Variants in LHFPL3 observed in about 807,000 individuals in gnomAD.
LHFPL3 encodes the protein LHFPL tetraspan subfamily member 3 protein.
LHFPL3 carries 5 observed loss-of-function variants against 19.3 expected under a neutral mutation model. The ratio of observed to expected loss-of-function variants is 0.26; its 90% CI spans 0.14 to 0.54. LHFPL3 has a LOEUF of 0.54. Among genes scored for constraint, LHFPL3 ranks in the 20% least tolerant of loss-of-function variants. The pLI is 0.94. For synonymous variants in LHFPL3, 133 were observed against 126.2 expected, an observed-to-expected ratio of 1.05 and a Z score of -0.36; for missense variants, 249 against 307.4, an observed-to-expected ratio of 0.81 and a Z score of 1.42.
At chr7:104,605,086 T>C (rs16869993) in intron 1 of LHFPL3, among the ~76,000 whole-genome samples, 20,668 of 152,248 alleles carry the variant, frequency 0.14, 1,467 homozygotes, top group Non-Finnish European at 0.15. Context: ...CCCAAGTATC[T>C]ATAGCTAAAT....
intron 2 of LHFPL3, among the ~76,000 whole-genome samples, chr7:104,838,071 C>T (rs1187959117): frequency 2.0e-5 from 3 of 152,152 alleles, no homozygotes; most frequent in African/African-American, 4.8e-5. Flanking sequence ...AGAGCTTAAC[C>T]TACATAAGGA....
chr7:104,576,869 T>TG (rs1417052430), intron 1 of LHFPL3, among the ~76,000 whole-genome samples: 2 of 152,182 alleles, frequency 1.3e-5, no homozygotes, highest in African/African-American at 4.8e-5. Flanking sequence ...CATTGCTTCC[T>TG]GGGGGTCTTT....
chr7:104,818,856 T>A (rs1396017636), intron 2 of LHFPL3, among the ~76,000 whole-genome samples: 3 of 152,168 alleles, frequency 2.0e-5, no homozygotes, highest in Non-Finnish European at 4.4e-5. Context: ...ACCTTTGAGA[T>A]TTAATCTTTA....
intron 2 of LHFPL3, among the ~76,000 whole-genome samples, chr7:104,879,061 T>C (rs149427477): frequency 3.9e-5 from 6 of 152,206 alleles, no homozygotes; most frequent in Non-Finnish European, 7.4e-5. Context: ...GAAGGAAAGT[T>C]TGAAGGAAGC....
chr7:104,476,943 T>C (rs1793033192), intron 1 of LHFPL3, among the ~76,000 whole-genome samples: 1 of 152,194 alleles, frequency 6.6e-6, no homozygotes, highest in South Asian at 2.1e-4. Context: ...TGATCTGTGT[T>C]GAACATCTCA....
At chr7:104,670,343 G>A (rs144881996) in intron 1 of LHFPL3, among the ~76,000 whole-genome samples, 6,088 of 152,218 alleles carry the variant, frequency 0.04, 147 homozygotes, top group African/African-American at 0.055. Flanking sequence ...TCCTGGAGCC[G>A]GAAGCACTTG....
intron 1 of LHFPL3, among the ~76,000 whole-genome samples, chr7:104,562,532 A>G (rs947875670): frequency 3.7e-4 from 57 of 152,124 alleles, no homozygotes; most frequent in African/African-American, 1.3e-3. Context: ...TTTCAGCTCC[A>G]TCAGCTCCTT....
intron 1 of LHFPL3, among the ~76,000 whole-genome samples, chr7:104,427,278 CT>C (rs1223257063): frequency 1.2e-4 from 19 of 152,258 alleles, no homozygotes; most frequent in African/African-American, 4.3e-4. Flanking sequence ...GTAAAGCTGG[CT>C]TTGTGGATTA....
rs1293057415 is a variant in LHFPL3, at chr7:104,736,924, T to C, written c.682+13T>C. 8.9e-6 allele frequency: 14 copies of C among 1,569,470 alleles called. No individual in the cohort carries two copies. The highest frequency in any genetic ancestry group is 1.1e-5 in the Non-Finnish European group (13 of 1,154,334). On this transcript the variant is annotated intron_variant, in intron 2 of 2. Transcript: ENST00000424859. ...GCAGAAAACAAAGGTAAGATTGCTT[T>C]AAGGAACTCTTACCTGGATGCCTCA...
intron 2 of LHFPL3, chr7:104,785,328 G>A (rs558726597): frequency 1.3e-5 from 2 of 152,436 alleles, no homozygotes; most frequent in African/African-American, 4.8e-5. Flanking sequence ...CATAGGTGCA[G>A]TTGACTGTCG....
At chr7:104,797,937 A>AAAC (rs906410281) in intron 2 of LHFPL3, among the ~76,000 whole-genome samples, 7 of 148,454 alleles carry the variant, frequency 4.7e-5, no homozygotes, top group South Asian at 4.3e-4. Context: ...AAAACAAACC[A>AAAC]AACAACAACA....
chr7:104,829,351 T>C (rs1011220678), intron 2 of LHFPL3, among the ~76,000 whole-genome samples: 5 of 151,818 alleles, frequency 3.3e-5, no homozygotes, highest in African/African-American at 1.2e-4. Flanking sequence ...TTATTATACT[T>C]TAAGTTTTAG....
intron 2 of LHFPL3, among the ~76,000 whole-genome samples, chr7:104,827,513 C>T (rs913747786): frequency 6.6e-6 from 1 of 151,892 alleles, no homozygotes; most frequent in African/African-American, 2.4e-5. Context: ...CTTACACATA[C>T]CTTGCACAGA....
chr7:104,541,980 C>T (rs995031081), intron 1 of LHFPL3, among the ~76,000 whole-genome samples: 6 of 151,886 alleles, frequency 4.0e-5, no homozygotes, highest in South Asian at 2.1e-4. Context: ...AAACCCTTGA[C>T]GTGAGAGCAT....
chr7:104,490,268 C>G (rs1411596678), intron 1 of LHFPL3, among the ~76,000 whole-genome samples: 2 of 152,154 alleles, frequency 1.3e-5, no homozygotes, highest in Non-Finnish European at 2.9e-5. Context: ...AAACAAGTGA[C>G]CAACATTTCC....
intron 2 of LHFPL3, among the ~76,000 whole-genome samples, chr7:104,818,952 C>T (rs2116518347): frequency 6.6e-6 from 1 of 152,260 alleles, no homozygotes; most frequent in East Asian, 1.9e-4. Context: ...CTCTCCTCGT[C>T]TGTCTGTTAC....
chr7:104,492,587 C>T (rs1327949291), intron 1 of LHFPL3, among the ~76,000 whole-genome samples: 1 of 152,226 alleles, frequency 6.6e-6, no homozygotes, highest in Non-Finnish European at 1.5e-5. Context: ...CACAGAGGAA[C>T]TTCACAAATA....
intron 2 of LHFPL3, among the ~76,000 whole-genome samples, chr7:104,845,225 A>G (rs561774804): frequency 2.2e-4 from 34 of 152,288 alleles, no homozygotes; most frequent in African/African-American, 7.5e-4. Context: ...CAGGACTGTG[A>G]TTTTCCTCAA....
At chr7:104,505,775 G>T (rs933135457) in intron 1 of LHFPL3, among the ~76,000 whole-genome samples, 1 of 152,122 alleles carries the variant, frequency 6.6e-6, no homozygotes, top group Non-Finnish European at 1.5e-5. Context: ...AATTACCAAA[G>T]CATGTTATTG....
Sources: allele counts gnomAD v4.1 joint callset (sites outside exome capture counted in the v4.1 genomes callset), GRCh38; gene constraint gnomAD v4.1.1; transcripts MANE v1.5; gene names NCBI Gene and HGNC (gene_info 2026-07-23, HGNC 2026-07-21).